CALD1: variants seen among roughly 807,000 people sequenced by gnomAD.
CALD1 encodes the protein caldesmon.
CALD1 carries 33 observed loss-of-function variants against 99.9 expected under a neutral mutation model. The observed-to-expected ratio is 0.33, with a 90% CI of 0.25 to 0.44. CALD1 has a LOEUF of 0.44. Among genes scored for constraint, CALD1 ranks in the 20% least tolerant of loss-of-function variants. The pLI is 1.00. For synonymous variants in CALD1, 310 were observed against 325.0 expected (o/e 0.95, Z 0.50); for missense variants, 861 against 962.1 (o/e 0.89, Z 1.39).
intron 1 of CALD1, among the ~76,000 whole-genome samples, chr7:134,843,036 T>C (rs1186706579): frequency 6.6e-6 from 1 of 152,226 alleles, no homozygotes; most frequent in Non-Finnish European, 1.5e-5. Context: ...TGCCACTGGC[T>C]GCAATGGGGA....
chr7:134,781,098 C>T (rs1182926482), intron 1 of CALD1, among the ~76,000 whole-genome samples: 4 of 152,124 alleles, frequency 2.6e-5, no homozygotes, highest in Non-Finnish European at 5.9e-5. Context: ...TGTGAATTTC[C>T]TTCCCTGGAA....
chr7:134,815,036 A>G (rs761768142), intron 1 of CALD1, among the ~76,000 whole-genome samples: 15 of 152,002 alleles, frequency 9.9e-5, no homozygotes, highest in Non-Finnish European at 1.5e-4. Flanking sequence ...CTTTATTCTC[A>G]GTTTTGCCGT....
chr7:134,777,297 G>A (rs1439664264), upstream of CALD1, among the ~76,000 whole-genome samples: 2 of 151,948 alleles, frequency 1.3e-5, no homozygotes, highest in African/African-American at 2.4e-5. Flanking sequence ...CATGATAAGT[G>A]TATTTCAAAT....
At chr7:134,884,381 G>C (rs757861103) in intron 3 of CALD1, among the ~76,000 whole-genome samples, 12 of 152,144 alleles carry the variant, frequency 7.9e-5, no homozygotes, top group Non-Finnish European at 2.9e-5. Flanking sequence ...GCTTTGCTCT[G>C]ACTTCACACT....
intron 1 of CALD1, among the ~76,000 whole-genome samples, chr7:134,817,546 A>G (rs987463693): frequency 3.3e-5 from 5 of 152,194 alleles, no homozygotes; most frequent in African/African-American, 1.2e-4. Flanking sequence ...GGGTTCCTCT[A>G]AAAACTGTCC....
chr7:134,714,339 T>C, the CALD1 span, among the ~76,000 whole-genome samples: 2 of 152,314 alleles, frequency 1.3e-5, no homozygotes, highest in South Asian at 4.2e-4. Flanking sequence ...ATCCATATTG[T>C]AGATAGATCC....
At chr7:134,965,985 A>G (rs1040150321) in intron 14 of CALD1, among the ~76,000 whole-genome samples, 2 of 152,214 alleles carry the variant, frequency 1.3e-5, no homozygotes, top group Non-Finnish European at 2.9e-5. Context: ...AAGAACATCT[A>G]AATGATGCTT....
At position 134,969,937 on chromosome 7, in the gene CALD1, A is replaced by C. The variant is rs1584705626; in HGVS notation, c.*1592A>C. On this transcript the variant is annotated 3_prime_UTR_variant, in exon 15 of 15. Transcript: ENST00000361675. ...GTTAGTCTCAATTCCTACCACACTG[A>C]GGGAGCCTCCCAAATAACTATTTTC... is the stretch of plus-strand genomic sequence containing the variant. 1 of 152,670 alleles carries C rather than the reference A, an allele frequency of 6.6e-6. No homozygotes were observed. The highest frequency in any genetic ancestry group is 1.5e-5 in the Non-Finnish European group (1 of 68,052). The allele number at this position is 152,670 out of a possible 1,614,324, so 9.5% of individuals were successfully genotyped here. A position where few individuals can be genotyped will look rare whatever the true frequency, so the allele number is the denominator to read the frequency against.
intron 6 of CALD1, among the ~76,000 whole-genome samples, chr7:134,939,503 A>G (rs547932390): frequency 6.6e-6 from 1 of 152,334 alleles, no homozygotes; most frequent in South Asian, 2.1e-4. Flanking sequence ...AGTGTGTCCG[A>G]GGGACATCCT....
chr7:134,738,255 G>T, the CALD1 span, among the ~76,000 whole-genome samples: 1 of 152,186 alleles, frequency 6.6e-6, no homozygotes, highest in East Asian at 1.9e-4. Flanking sequence ...TAACTTGCTT[G>T]GTTTCATTCT....
At chr7:134,719,366 C>A in the CALD1 span, among the ~76,000 whole-genome samples, 1 of 152,242 alleles carries the variant, frequency 6.6e-6, no homozygotes, top group East Asian at 1.9e-4. Context: ...GGGGTCCCTA[C>A]AACAAGAGTT....
In CALD1 at chr7:134,933,064, C is replaced by T. The variant is rs778481089; in HGVS notation, c.295C>T (p.Arg99Cys). 4.3e-6 allele frequency: 7 copies of T among 1,613,794 alleles called. No individual in the cohort carries two copies. The highest frequency in any genetic ancestry group is 5.9e-6 in the Non-Finnish European group (7 of 1,179,916). ...GGATGATGAGGCCGCATTCCTGGAG[C>T]GCCTGGCTCGGCGTGAGGAAAGACG... is the stretch of plus-strand genomic sequence containing the variant. ...EGDDEAAFLE[R>C]LARREERRQK... The change falls in exon 5 of 15, where the codon CGC becomes TGC. Residue 99 changes from arginine to cysteine, a missense_variant. By Grantham distance (180) the Arg-to-Cys change is radical. This residue lies in a region of CALD1 where 123 missense variants were observed against 169.8 expected (regional missense o/e 0.72). Transcript: ENST00000361675.
chr7:134,790,933 CA>C (rs1384982907), intron 1 of CALD1, among the ~76,000 whole-genome samples: 2 of 152,092 alleles, frequency 1.3e-5, no homozygotes, highest in Non-Finnish European at 2.9e-5. Context: ...CCAACATATC[CA>C]AAAGGTATTC....
Position 134,968,431 on chromosome 7 carries a change from A to C in CALD1, c.*86A>C. 1.7e-6 allele frequency: 2 copies of C among 1,159,298 alleles called. No individual in the cohort carries two copies. Among genetic ancestry groups the C allele is most frequent in the Non-Finnish European group, 2.6e-6 (2 of 767,796 alleles). The allele number at this position is 1,159,298 out of a possible 1,614,324, so 71.8% of individuals were successfully genotyped here. ...TTCGCTCTGTTTTGTATTTATGTTG[A>C]TTTACTAAATTGGGTTCATTATCTT... On this transcript the variant is annotated 3_prime_UTR_variant, in exon 15 of 15. Transcript: ENST00000361675.
intron 3 of CALD1, among the ~76,000 whole-genome samples, chr7:134,926,090 T>C (rs555449476): frequency 6.6e-6 from 1 of 152,294 alleles, no homozygotes; most frequent in East Asian, 1.9e-4. Flanking sequence ...AACATTCGAA[T>C]CCTGTCATGT....
At chr7:134,958,850 C>T (rs889202881) in intron 11 of CALD1, among the ~76,000 whole-genome samples, 1 of 137,788 alleles carries the variant, frequency 7.3e-6, no homozygotes, top group Non-Finnish European at 1.5e-5. Context: ...TTTTTTGTAA[C>T]GAATGGGTTT....
intron 7 of CALD1, among the ~76,000 whole-genome samples, chr7:134,944,964 C>G (rs974782084): frequency 3.9e-5 from 6 of 152,144 alleles, no homozygotes; most frequent in Non-Finnish European, 8.8e-5. Context: ...CTGTATCATA[C>G]AGTAAATTTA....
chr7:134,925,269 G>A (rs978229443), intron 3 of CALD1, among the ~76,000 whole-genome samples: 11 of 152,064 alleles, frequency 7.2e-5, no homozygotes, highest in African/African-American at 2.4e-4. Flanking sequence ...GGCCTACGTG[G>A]CAAATCTAGT....
At chr7:134,765,316 A>G (rs1354925093) in intron 1 of CALD1, among the ~76,000 whole-genome samples, 1 of 129,542 alleles carries the variant, frequency 7.7e-6, no homozygotes, top group South Asian at 2.3e-4. Context: ...TCCGTCTCGG[A>G]AAAAAAAAAA....
Sources: gnomAD v4.1 joint callset for allele counts (sites outside exome capture counted in the v4.1 genomes callset) on GRCh38, gnomAD v4.1.1 for gene constraint, gnomAD v4.1.1 regional missense constraint, MANE v1.5 for transcripts, NCBI Gene and HGNC (gene_info 2026-07-23, HGNC 2026-07-21) for gene names.